The following YIPF1 variants were observed in gnomAD, a reference collection of about 807,000 sequenced individuals.
YIPF1 encodes protein YIPF1.
YIPF1 carries 22 observed loss-of-function variants against 37.0 expected under a neutral mutation model. The observed-to-expected ratio is 0.59, with a 90% CI of 0.42 to 0.85. The LOEUF (loss-of-function observed/expected upper bound fraction) is 0.85. Among genes scored for constraint, YIPF1 ranks in the 40% least tolerant of loss-of-function variants. YIPF1 has a pLI of 0.00. For synonymous variants in YIPF1, 128 were observed against 131.9 expected (o/e 0.97, Z 0.21); for missense variants, 355 against 373.1 (o/e 0.95, Z 0.40).
At chr1:53,879,256 A>G (rs1057162727) in intron 4 of YIPF1, among the ~76,000 whole-genome samples, 10 of 151,984 alleles carry the variant, frequency 6.6e-5, no homozygotes, top group African/African-American at 1.5e-4. Flanking sequence ...CACTATGCCC[A>G]GCTAATTGTT....
At chr1:53,858,679 G>A (rs1649786491) in intron 10 of YIPF1, among the ~76,000 whole-genome samples, 1 of 152,082 alleles carries the variant, frequency 6.6e-6, no homozygotes, top group Admixed American at 6.6e-5. Context: ...CTATCATCCA[G>A]GCTAGAATGC....
chr1:53,867,037 AC>A, intron 7 of YIPF1, 113 bp from the exon 8 acceptor site: 1 of 1,270,636 alleles, frequency 7.9e-7, no homozygotes, highest in Non-Finnish European at 1.1e-6. Flanking sequence ...ACTTCAGTGG[AC>A]CACGGAATCA....
intron 9 of YIPF1, among the ~76,000 whole-genome samples, chr1:53,864,136 C>T (rs766849950): frequency 1.3e-5 from 2 of 152,194 alleles, no homozygotes; most frequent in Non-Finnish European, 2.9e-5. Flanking sequence ...AGGGCAATGC[C>T]TCCTCTCCTG....
At chr1:53,859,385 C>T (rs969645860) in intron 10 of YIPF1, among the ~76,000 whole-genome samples, 15 of 152,256 alleles carry the variant, frequency 9.9e-5, no homozygotes, top group Admixed American at 8.5e-4. Context: ...GATAAATGGC[C>T]GGGCACGGTG....
At chr1:53,865,592 AC>A (rs557378846) in intron 9 of YIPF1, among the ~76,000 whole-genome samples, 131 of 151,578 alleles carry the variant, frequency 8.6e-4, no homozygotes, top group African/African-American at 2.8e-3. Flanking sequence ...AACCAACCAC[AC>A]CCCCACAACC....
At chr1:53,883,315 C>T in intron 3 of YIPF1, 39 bp from the exon 4 acceptor site, 1 of 1,491,476 alleles carries the variant, frequency 6.7e-7, no homozygotes, top group Non-Finnish European at 8.9e-7. Context: ...AGAAACCTTA[C>T]CCACACTAGA....
intron 7 of YIPF1, among the ~76,000 whole-genome samples, chr1:53,869,156 T>TCACACACA (rs1389115434): frequency 6.9e-4 from 87 of 125,720 alleles, no homozygotes; most frequent in Non-Finnish European, 1.1e-3. Flanking sequence ...TCTCTCTCTC[T>TCACACACA]CTCTCACACA....
chr1:53,854,320 T>C (rs115575623), intron 10 of YIPF1, among the ~76,000 whole-genome samples: 2,311 of 152,138 alleles, frequency 0.015, 61 homozygotes, highest in African/African-American at 0.053. Context: ...AGCGAAGAGG[T>C]TGGGAATTCT....
chr1:53,862,071 T>C (rs1649898136), intron 9 of YIPF1, among the ~76,000 whole-genome samples: 1 of 152,172 alleles, frequency 6.6e-6, no homozygotes, highest in Non-Finnish European at 1.5e-5. Context: ...CTATGATTCA[T>C]TAATTCCAAA....
At chr1:53,882,727 G>A (rs1650534248) in intron 4 of YIPF1, among the ~76,000 whole-genome samples, 1 of 152,174 alleles carries the variant, frequency 6.6e-6, no homozygotes, top group African/African-American at 2.4e-5. Context: ...CCAAAATGCT[G>A]GGATTATATG....
In YIPF1 at chr1:53,879,524, C is replaced by T. The variant is rs1569645128; in HGVS notation, c.196-802G>A. Among the ~76,000 whole-genome samples, 4 of 151,964 alleles carry T rather than the reference C, an allele frequency of 2.6e-5. No homozygotes were observed. In the East Asian group the frequency reaches 7.7e-4, roughly 29 times the overall value. ...TTACTACTCTGACAAAAAAAAAAATCCTATTGAGAAGAGGCACCTGAGGAG... is the reference window on the plus strand; with the variant it reads ...TTACTACTCTGACAAAAAAAAAAATTCTATTGAGAAGAGGCACCTGAGGAG... On this transcript the variant is annotated intron_variant, in intron 4 of 10. Transcript: ENST00000072644.
intron 3 of YIPF1, 140 bp from the exon 4 acceptor site, chr1:53,883,416 C>CA (rs1464483309): frequency 1.1e-5 from 10 of 870,800 alleles, no homozygotes; most frequent in Non-Finnish European, 1.4e-5. Context: ...CTTTGAAAAA[C>CA]AAAAAATCTC....
chr1:53,866,400 G>C lies in YIPF1; in HGVS notation c.649-18C>G, dbSNP rs1201932805. ...CACAGTATCTGAAAGAAGAGAAAAG[G>C]AGGAGCGGGGAGTTCTTGGGAGGCA... On this transcript the variant is annotated intron_variant, in intron 8 of 10. Transcript: ENST00000072644. 1.2e-6 allele frequency: 2 copies of C among 1,610,062 alleles called. No individual in the cohort carries two copies. Among genetic ancestry groups the C allele is most frequent in the Non-Finnish European group, 8.5e-7 (1 of 1,177,492 alleles).
At chr1:53,881,343 T>A (rs1650496464) in intron 4 of YIPF1, among the ~76,000 whole-genome samples, 1 of 151,582 alleles carries the variant, frequency 6.6e-6, no homozygotes, top group Non-Finnish European at 1.5e-5. Flanking sequence ...CAAAAGCAAT[T>A]GCAACAAAAG....
chr1:53,885,819 C>CAAAAAAAAA (rs55998099), intron 3 of YIPF1, among the ~76,000 whole-genome samples: 2 of 83,890 alleles, frequency 2.4e-5, no homozygotes, highest in Non-Finnish European at 4.8e-5. Context: ...GACTCGGTCT[C>CAAAAAAAAA]AAAAAAAAAA....
intron 4 of YIPF1, among the ~76,000 whole-genome samples, chr1:53,880,864 G>T (rs1650477890): frequency 6.6e-6 from 1 of 152,142 alleles, no homozygotes; most frequent in Non-Finnish European, 1.5e-5. Flanking sequence ...GCCATATGCA[G>T]AAAACTGAAA....
Position 53,866,201 on chromosome 1 carries a change from A to G in YIPF1, c.830T>C (p.Leu277Ser). Residue 277 changes from leucine (L) to serine (S), a missense_variant and splice_region_variant, in exon 9 of 11, where the codon TTG becomes TCG. Transcript: ENST00000072644. The part of the protein sequence containing the change: ...LLHMLLSVGC[L>S]AYFFDAPEMD... ...AAGAATATACGACTGAACCCATACCAAGCAGCCCACAGAAAGCAGCATATG... is the reference window on the plus strand; with the variant it reads ...AAGAATATACGACTGAACCCATACCGAGCAGCCCACAGAAAGCAGCATATG... 6.2e-7 allele frequency: 1 copy of G among 1,613,840 alleles called. No individual in the cohort carries two copies.
intron 2 of YIPF1, 65 bp downstream of exon 2, chr1:53,889,179 G>T (rs1392192051): frequency 2.4e-6 from 1 of 415,750 alleles, no homozygotes; most frequent in Non-Finnish European, 4.4e-6. Context: ...CTAACCCCGG[G>T]GATCCAAAGG....
At chr1:53,859,286 A>G (rs1030672997) in intron 10 of YIPF1, among the ~76,000 whole-genome samples, 2 of 152,372 alleles carry the variant, frequency 1.3e-5, no homozygotes, top group Admixed American at 6.5e-5. Flanking sequence ...AGATGGACAC[A>G]TGATTAGTCA....
Sources: allele counts gnomAD v4.1 joint callset (sites outside exome capture counted in the v4.1 genomes callset), GRCh38; gene constraint gnomAD v4.1.1; transcripts MANE v1.5; gene names NCBI Gene and HGNC (gene_info 2026-07-23, HGNC 2026-07-21).